Variants in VPS37A observed in about 807,000 individuals in gnomAD.
The protein encoded by VPS37A is VPS37A subunit of ESCRT-I, also known as vacuolar protein sorting-associated protein 37A.
Under a neutral mutation model 49.8 loss-of-function variants are expected in VPS37A, and 30 were observed. The observed-to-expected ratio is 0.60, with a 90% CI of 0.45 to 0.82. The LOEUF (loss-of-function observed/expected upper bound fraction) is 0.82. Ranked by LOEUF, VPS37A falls within the 40% of genes least tolerant of loss-of-function variation. VPS37A has a pLI of 0.00. For missense variants in VPS37A, 593 were observed against 464.4 expected (o/e 1.28, Z -2.55); for synonymous variants, 195 against 160.6 (o/e 1.21, Z -1.62).
At chr8:17,250,367 C>T (rs1485197281) in intron 1 of VPS37A, among the ~76,000 whole-genome samples, 2 of 152,082 alleles carry the variant, frequency 1.3e-5, no homozygotes, top group East Asian at 1.9e-4. Flanking sequence ...GATTTTTGTG[C>T]GAACAGACAG....
chr8:17,280,048 T>A lies in VPS37A; in HGVS notation c.734T>A (p.Met245Lys). 1.2e-6 allele frequency: 2 copies of A among 1,611,658 alleles called. No individual in the cohort carries two copies. The highest frequency in any genetic ancestry group is 8.5e-7 in the Non-Finnish European group (1 of 1,178,876). ...TCTAGTGTGTCACAACTCACAGATA[T>A]GAATGAACAAGAGGAGGTATTACTA... is the stretch of plus-strand genomic sequence containing the variant. ...SELSVSQLTD[M>K]NEQEEVLLEQ... The change falls in exon 7 of 12, where the codon ATG (methionine) becomes AAG (lysine). Residue 245 changes from methionine to lysine, a missense_variant. Physicochemically the swap from Met to Lys is moderately conservative, Grantham distance 95 (BLOSUM62 -1). Coordinates refer to ENST00000324849, the MANE Select transcript of VPS37A (RefSeq NM_152415.3).
Position 17,284,625 on chromosome 8 carries a change from T to C in VPS37A, c.1113+9T>C, listed in dbSNP as rs1165008296. 6.3e-7 allele frequency: 1 copy of C among 1,586,954 alleles called. No individual in the cohort carries two copies. Among genetic ancestry groups the C allele is most frequent in the Non-Finnish European group, 8.5e-7 (1 of 1,170,988 alleles). On this transcript the variant is annotated intron_variant, in intron 10 of 11. Transcript: ENST00000324849. ...TCATGGAAAAGAGAACAGTATGTAA[T>C]ACTCGTCAGTTGAGGACAAGTATTG...
chr8:17,317,457 C>A, the VPS37A span, among the ~76,000 whole-genome samples: 1 of 152,214 alleles, frequency 6.6e-6, no homozygotes. Context: ...TCCATACTTA[C>A]ACTTTCACTT....
chr8:17,293,326 C>T (rs1293040041), intron 11 of VPS37A, among the ~76,000 whole-genome samples: 3 of 151,906 alleles, frequency 2.0e-5, no homozygotes, highest in African/African-American at 7.3e-5. Flanking sequence ...TTATGTTCTT[C>T]TCTAAACTGA....
downstream of VPS37A, chr8:17,299,949 A>T: frequency 6.2e-7 from 1 of 1,614,142 alleles, no homozygotes; most frequent in Non-Finnish European, 8.5e-7. Context: ...TTGGAGACCG[A>T]CAGCTCAAAT....
chr8:17,313,328 A>C, the VPS37A span: 1 of 1,613,414 alleles, frequency 6.2e-7, no homozygotes, highest in East Asian at 2.2e-5. Context: ...TTATGGCTTT[A>C]ATGTGCCTTA....
intron 9 of VPS37A, among the ~76,000 whole-genome samples, chr8:17,283,448 G>A (rs1034041881): frequency 9.2e-5 from 14 of 152,120 alleles, no homozygotes; most frequent in African/African-American, 2.7e-4. Flanking sequence ...GAGCCACCAC[G>A]TCAAGCAGGA....
intron 5 of VPS37A, among the ~76,000 whole-genome samples, 180 bp from the exon 6 acceptor site, chr8:17,276,217 G>A (rs1427313640): frequency 1.3e-5 from 2 of 152,044 alleles, no homozygotes; most frequent in African/African-American, 2.4e-5. Context: ...TGTATACGAC[G>A]CTGAAAAGAA....
the VPS37A span, among the ~76,000 whole-genome samples, chr8:17,315,027 C>T: frequency 3.1e-5 from 4 of 127,188 alleles, no homozygotes; most frequent in Admixed American, 7.9e-5. Context: ...TATATATTAG[C>T]CCTGTGGCCC....
chr8:17,247,601 C>G (rs775444319), intron 1 of VPS37A: 15 of 711,384 alleles, frequency 2.1e-5, no homozygotes, highest in Non-Finnish European at 3.6e-5. Flanking sequence ...CTCGGATTTC[C>G]TCATCCCTCC....
intron 11 of VPS37A, among the ~76,000 whole-genome samples, chr8:17,292,774 A>C (rs143312828): frequency 0.015 from 2,221 of 152,304 alleles, 38 homozygotes; most frequent in Middle Eastern, 0.041. Flanking sequence ...AGAATGTTGA[A>C]TATTGGCCCC....
chr8:17,302,087 T>C, downstream of VPS37A: 1 of 1,600,922 alleles, frequency 6.2e-7, no homozygotes, highest in Non-Finnish European at 8.5e-7. Flanking sequence ...CTTAAGAGGC[T>C]TTCATGAAGC....
At chr8:17,303,904 A>C (rs147211241), downstream of VPS37A, among the ~76,000 whole-genome samples, 104 of 152,336 alleles carry the variant, frequency 6.8e-4, no homozygotes, top group African/African-American at 2.5e-3. Flanking sequence ...CAAGGGAAGT[A>C]CTTCCAGTAG....
chr8:17,267,481 G>GTC (rs1326063752), intron 2 of VPS37A, among the ~76,000 whole-genome samples: 1 of 151,962 alleles, frequency 6.6e-6, no homozygotes, highest in East Asian at 1.9e-4. Flanking sequence ...GTGTGTGTGT[G>GTC]TGTGTTGAAA....
intron 4 of VPS37A, among the ~76,000 whole-genome samples, chr8:17,274,359 A>G (rs1253373747): frequency 6.6e-6 from 1 of 152,206 alleles, no homozygotes; most frequent in Admixed American, 6.5e-5. Context: ...ACTTGAATAA[A>G]TGTCCTGGAT....
intron 11 of VPS37A, among the ~76,000 whole-genome samples, chr8:17,291,109 G>T: frequency 6.6e-6 from 1 of 152,146 alleles, no homozygotes; most frequent in East Asian, 1.9e-4. Flanking sequence ...CGCCTCCCAG[G>T]TTTAAGCAGT....
intron 9 of VPS37A, among the ~76,000 whole-genome samples, chr8:17,283,866 G>T (rs1358177392): frequency 6.6e-6 from 1 of 152,158 alleles, no homozygotes; most frequent in African/African-American, 2.4e-5. Flanking sequence ...TGCAAAAAAT[G>T]CCCTTGAGAT....
At chr8:17,331,075 C>G in the VPS37A span, 1 of 1,506,830 alleles carries the variant, frequency 6.6e-7, no homozygotes, top group Non-Finnish European at 8.9e-7. Flanking sequence ...ATTTTAAAAT[C>G]AAGACTATCT....
At chr8:17,254,383 A>G (rs533823044) in intron 1 of VPS37A, among the ~76,000 whole-genome samples, 11 of 152,250 alleles carry the variant, frequency 7.2e-5, no homozygotes, top group South Asian at 2.1e-4. Context: ...TATTACTGCT[A>G]TTTACCAGCA....
Sources: gnomAD v4.1 joint callset for allele counts (sites outside exome capture counted in the v4.1 genomes callset) on GRCh38, gnomAD v4.1.1 for gene constraint, MANE v1.5 for transcripts, NCBI Gene and HGNC (gene_info 2026-07-23, HGNC 2026-07-21) for gene names.